Variants in MGLL observed in about 807,000 individuals in gnomAD.
MGLL encodes lysophospholipase homolog.
Under a neutral mutation model 29.1 loss-of-function variants are expected in MGLL, and 7 were observed. The observed-to-expected ratio is 0.24, with a 90% CI of 0.14 to 0.45. The LOEUF (loss-of-function observed/expected upper bound fraction) is 0.45. Ranked by LOEUF, MGLL falls within the 20% of genes least tolerant of loss-of-function variation. The pLI is 0.99. For synonymous variants in MGLL, 148 were observed against 168.3 expected, an observed-to-expected ratio of 0.88 and a Z score of 0.93; for missense variants, 356 against 413.6, an observed-to-expected ratio of 0.86 and a Z score of 1.21.
At chr3:127,802,656 C>A (rs1422456519) in intron 2 of MGLL, among the ~76,000 whole-genome samples, 1 of 152,208 alleles carries the variant, frequency 6.6e-6, no homozygotes, top group Non-Finnish European at 1.5e-5. Flanking sequence ...TTATAGGAGG[C>A]CAAGAGATTA....
At chr3:127,772,303 C>T (rs1191881260) in intron 3 of MGLL, among the ~76,000 whole-genome samples, 1 of 152,216 alleles carries the variant, frequency 6.6e-6, no homozygotes, top group Non-Finnish European at 1.5e-5. Flanking sequence ...AGACAGCACG[C>T]TGCATTGGTA....
intron 3 of MGLL, among the ~76,000 whole-genome samples, chr3:127,760,077 G>T (rs1232811776): frequency 6.6e-6 from 1 of 152,202 alleles, no homozygotes; most frequent in African/African-American, 2.4e-5. Context: ...AGCGCTGGAT[G>T]TGCACACAGC....
chr3:127,702,903 C>T (rs1351540340), intron 6 of MGLL, among the ~76,000 whole-genome samples: 1 of 152,170 alleles, frequency 6.6e-6, no homozygotes, highest in Non-Finnish European at 1.5e-5. Flanking sequence ...CCATGTTGGC[C>T]AGGCTGGTCT....
intron 2 of MGLL, among the ~76,000 whole-genome samples, chr3:127,794,972 C>A (rs1351063782): frequency 6.6e-6 from 1 of 152,216 alleles, no homozygotes; most frequent in Non-Finnish European, 1.5e-5. Flanking sequence ...TTGGAGATTT[C>A]TCAAAGAACT....
chr3:127,703,610 A>G (rs1422346647), intron 6 of MGLL, among the ~76,000 whole-genome samples: 1 of 152,194 alleles, frequency 6.6e-6, no homozygotes, highest in Admixed American at 6.5e-5. Context: ...AGCCAAAACA[A>G]GGTATCCACT....
chr3:127,805,020 G>A (rs1046854973), intron 2 of MGLL, among the ~76,000 whole-genome samples: 2 of 152,234 alleles, frequency 1.3e-5, no homozygotes, highest in African/African-American at 2.4e-5. Context: ...GGCTCTGCAA[G>A]AGAGAATGTT....
rs180944812 is a variant in MGLL, at chr3:127,735,818, G to T, written c.263-13252C>A. 624 of 1,598,178 alleles carry T rather than the reference G, an allele frequency of 3.9e-4. 1 individual carries two copies. Among genetic ancestry groups the T allele is most frequent in the Admixed American group, 1.8e-3 (106 of 60,004 alleles). On this transcript the variant is annotated intron_variant, in intron 3 of 7. Coordinates refer to ENST00000265052, the MANE Select transcript of MGLL (RefSeq NM_007283.7). The stretch of plus-strand genomic sequence containing the variant: ...AAATTCTGGCATTCTCTTGGTGCTC[G>T]CATCCTTCCAGGGGAAGATCCTTCT...
At chr3:127,716,834 G>T (rs1221858169) in intron 5 of MGLL, among the ~76,000 whole-genome samples, 2 of 152,202 alleles carry the variant, frequency 1.3e-5, no homozygotes, top group African/African-American at 4.8e-5. Flanking sequence ...ACGGCCATGT[G>T]GGGGACACAG....
intron 2 of MGLL, among the ~76,000 whole-genome samples, chr3:127,794,422 A>G (rs938025755): frequency 4.1e-4 from 63 of 151,922 alleles, no homozygotes; most frequent in African/African-American, 1.4e-3. Flanking sequence ...GTCTTCTATG[A>G]TGTGAAACTG....
rs372843202 is a variant in MGLL at position 127,695,042 on chromosome 3, C to A, written c.749G>T (p.Arg250Leu). 1 of 1,614,042 alleles carries A rather than the reference C, an allele frequency of 6.2e-7. No homozygotes were observed. Among genetic ancestry groups the A allele is most frequent in the South Asian group, 1.1e-5 (1 of 91,070 alleles). The change falls in exon 7 of 8, where the codon CGC (arginine) becomes CTC (leucine). Residue 250 changes from arginine (R) to leucine (L), a missense_variant. Transcript: ENST00000265052. ...PFLLLQGSAD[R>L]LCDSKGAYLL... is the part of the protein sequence containing the mutation. ...GTAGGCCCCTTTGCTGTCACATAGGCGATCGGCAGAGCCCTGGAGCAGCAG... is the reference window on the plus strand; with the variant it reads ...GTAGGCCCCTTTGCTGTCACATAGGAGATCGGCAGAGCCCTGGAGCAGCAG...
At chr3:127,823,011 C>A (rs1559993816), upstream of MGLL, 1 of 152,252 alleles carries the variant, frequency 6.6e-6, no homozygotes, top group Non-Finnish European at 1.5e-5. Flanking sequence ...CGGGCGTGTC[C>A]GGGACCCCAG....
At chr3:127,794,797 C>T (rs974276709) in intron 2 of MGLL, among the ~76,000 whole-genome samples, 1 of 152,248 alleles carries the variant, frequency 6.6e-6, no homozygotes, top group African/African-American at 2.4e-5. Context: ...AGACTCTCTT[C>T]TATGAGTCTT....
intron 3 of MGLL, among the ~76,000 whole-genome samples, chr3:127,743,350 A>T (rs1173330958): frequency 6.6e-6 from 1 of 152,048 alleles, no homozygotes; most frequent in Non-Finnish European, 1.5e-5. Flanking sequence ...TTTAGCTATC[A>T]TTGTTTCAAA....
At chr3:127,726,279 AGAGG>A (rs1425195137) in intron 3 of MGLL, among the ~76,000 whole-genome samples, 3 of 61,002 alleles carry the variant, frequency 4.9e-5, no homozygotes, top group Non-Finnish European at 7.0e-5. Flanking sequence ...AGGGAGGGAG[AGAGG>A]AAGGAAGGAA....
At chr3:127,773,976 T>G (rs1221311564) in intron 3 of MGLL, among the ~76,000 whole-genome samples, 1 of 152,180 alleles carries the variant, frequency 6.6e-6, no homozygotes, top group Middle Eastern at 3.2e-3. Flanking sequence ...GACTTCGCCC[T>G]GCAATCTGTC....
intron 3 of MGLL, among the ~76,000 whole-genome samples, chr3:127,744,087 C>G (rs2076396380): frequency 6.6e-6 from 1 of 152,092 alleles, no homozygotes; most frequent in Non-Finnish European, 1.5e-5. Flanking sequence ...TGCCAGAATT[C>G]AGCATATGGG....
At chr3:127,741,871 AT>A (rs1292126174) in intron 3 of MGLL, among the ~76,000 whole-genome samples, 1 of 152,114 alleles carries the variant, frequency 6.6e-6, no homozygotes, top group Non-Finnish European at 1.5e-5. Flanking sequence ...ATAATCTGTG[AT>A]TTTTTTGCAC....
At chr3:127,701,197 AGAGC>A (rs2075474259) in intron 6 of MGLL, among the ~76,000 whole-genome samples, 4 of 117,054 alleles carry the variant, frequency 3.4e-5, no homozygotes, top group East Asian at 6.2e-4. Context: ...CCTGGGCAAG[AGAGC>A]GAGACCCTGC....
At chr3:127,729,225 A>T (rs944255028) in intron 3 of MGLL, among the ~76,000 whole-genome samples, 28 of 151,728 alleles carry the variant, frequency 1.8e-4, no homozygotes, top group African/African-American at 6.5e-4. Context: ...GGCCTTCCCC[A>T]CTCCACGGGT....
Sources: allele counts gnomAD v4.1 joint callset (sites outside exome capture counted in the v4.1 genomes callset), GRCh38; gene constraint gnomAD v4.1.1; transcripts MANE v1.5; gene names NCBI Gene and HGNC (gene_info 2026-07-23, HGNC 2026-07-21).